DPEP1: variants seen among roughly 807,000 people sequenced by gnomAD.
The protein encoded by DPEP1 is beta-lactamase.
DPEP1 carries 50 observed loss-of-function variants against 42.3 expected under a neutral mutation model. The ratio of observed to expected loss-of-function variants is 1.18; its 90% CI spans 0.94 to 1.50. The LOEUF (loss-of-function observed/expected upper bound fraction) is 1.50. Among genes scored for constraint, DPEP1 ranks in the 40% most tolerant of loss-of-function variants. DPEP1 has a pLI of 0.00. For synonymous variants in DPEP1, 297 were observed against 234.0 expected, an observed-to-expected ratio of 1.27 and a Z score of -2.46; for missense variants, 663 against 553.0, an observed-to-expected ratio of 1.20 and a Z score of -1.99.
rs73265345 is a variant in DPEP1, at chr16:89,630,274, C to A, written c.-106-31C>A. 4.3e-3 allele frequency: 2,587 copies of A among 608,108 alleles called. 53 individuals are homozygous for A. The African/African-American group carries it at 0.044, about 10-fold the overall frequency. 37.7% of individuals were successfully genotyped at this position (608,108 alleles called of 1,614,324 possible). ...GGAGAGCAGCCACCTGTCATCACTT[C>A]CACCCACACCTCTGGTGCCTCTCCT... On this transcript the variant is annotated intron_variant, in intron 1 of 10. Coordinates refer to ENST00000690203, the MANE Select transcript of DPEP1 (RefSeq NM_001389466.1).
intron 2 of DPEP1, among the ~76,000 whole-genome samples, chr16:89,631,977 G>T (rs2059594516): frequency 6.6e-6 from 1 of 152,180 alleles, no homozygotes; most frequent in Admixed American, 6.5e-5. Context: ...ATGCTGGCCA[G>T]CAGGGAGGAG....
chr16:89,640,997 CA>C (rs1419651338), downstream of DPEP1, among the ~76,000 whole-genome samples: 10 of 152,318 alleles, frequency 6.6e-5, no homozygotes, highest in East Asian at 1.7e-3. Context: ...GTCCACTGGA[CA>C]GGGGGCCCTT....
chr16:89,620,608 C>T (rs563797259), intron 1 of DPEP1: 1 of 152,386 alleles, frequency 6.6e-6, no homozygotes, highest in Non-Finnish European at 1.5e-5. Flanking sequence ...CTGTGCGAGC[C>T]CTCAAGGAGG....
chr16:89,636,925 C>T lies in DPEP1; in HGVS notation c.581C>T (p.Pro194Leu), dbSNP rs763464277. 1.9e-6 allele frequency: 3 copies of T among 1,612,492 alleles called. No individual in the cohort carries two copies. In the South Asian group the frequency reaches 3.3e-5, roughly 18 times the overall value. ...DSEPQSQGLS[P>L]FGQRVVKELN... ...GAGCCCCAGAGCCAAGGCTTGTCAC[C>T]CTTTGGGCAGGTGAGTGGGGTGGGA... Residue 194 changes from proline to leucine, a missense_variant, in exon 6 of 11, where the codon CCC becomes CTC. Coordinates refer to ENST00000690203, the MANE Select transcript of DPEP1 (RefSeq NM_001389466.1).
rs149484096 is a variant in DPEP1, at chr16:89,637,347, G to A, written c.735G>A (p.Arg245=). Residue 245 remains arginine, a synonymous_variant, in exon 7 of 11, where the codon CGG becomes CGA. Transcript: ENST00000690203. ...HSSAYSVCAS[R]RNVPDDVLRL... ...CGGCCTACAGCGTGTGCGCAAGCCG[G>A]CGCAACGTGCCTGACGACGTCCTGA... 1,641 of 1,612,384 alleles carry A rather than the reference G, an allele frequency of 1.0e-3. 1 individual carries two copies. Among genetic ancestry groups the A allele is most frequent in the Non-Finnish European group, 1.2e-3 (1,432 of 1,179,942 alleles).
Position 89,638,261 on chromosome 16 carries a change from C to G in DPEP1, c.*39C>G. On this transcript the variant is annotated 3_prime_UTR_variant, in exon 11 of 11. Coordinates refer to ENST00000690203, the MANE Select transcript of DPEP1 (RefSeq NM_001389466.1). ...AGAGTCCCCTTTAGGGTTCCCGGAG[C>G]TCCGGGAAGACCCGCCCATCCCAGG... 1 of 1,504,094 alleles carries G rather than the reference C, an allele frequency of 6.6e-7. No individual in the cohort carries two copies. The highest frequency in any genetic ancestry group is 8.9e-7 in the Non-Finnish European group (1 of 1,128,516). The allele number at this position is 1,504,094 out of a possible 1,614,324, so 93.2% of individuals were successfully genotyped here. A position where few individuals can be genotyped will look rare whatever the true frequency, so the allele number is the denominator to read the frequency against.
chr16:89,622,499 A>G (rs1219730794), intron 1 of DPEP1, among the ~76,000 whole-genome samples: 1 of 151,788 alleles, frequency 6.6e-6, no homozygotes, highest in Non-Finnish European at 1.5e-5. Context: ...AGAATAACGC[A>G]CTCGGGCCGG....
chr16:89,630,473 C>T lies in DPEP1; in HGVS notation c.63C>T (p.Asp21=), dbSNP rs371346042. The change falls in exon 2 of 11, where the codon GAC becomes GAT. Residue 21 remains aspartate (D), a synonymous_variant. Coordinates refer to ENST00000690203, the MANE Select transcript of DPEP1 (RefSeq NM_001389466.1). ...VAVCTADFFR[D]EAERIMRDSP... ...TCTGCACTGCAGACTTCTTTCGGGA[C>T]GAGGCAGAGAGGATCATGAGGGACT... 1.5e-5 allele frequency: 24 copies of T among 1,608,444 alleles called. No homozygotes were observed. The highest frequency in any genetic ancestry group is 9.5e-5 in the African/African-American group (7 of 73,566).
intron 1 of DPEP1, among the ~76,000 whole-genome samples, chr16:89,625,242 T>C (rs1220406781): frequency 6.6e-6 from 1 of 152,038 alleles, no homozygotes; most frequent in Non-Finnish European, 1.5e-5. Context: ...TGTTTTTCCT[T>C]GATTCAGCAC....
chr16:89,636,267 T>G lies in DPEP1; in HGVS notation c.241T>G (p.Trp81Gly), dbSNP rs775929890. ...LRAGFVGGQF[W>G]SVYTPCDTQN... ...TGGCACCCCCTGCGGCCCACAGTTC[T>G]GGTCCGTGTACACGCCCTGCGACAC... The change falls in exon 4 of 11, where the codon TGG (tryptophan) becomes GGG (glycine). Residue 81 changes from tryptophan (W) to glycine (G), a missense_variant. Coordinates refer to ENST00000690203, the MANE Select transcript of DPEP1 (RefSeq NM_001389466.1). The G allele has an allele frequency of 3.7e-6, 6 of 1,608,164 alleles. No individual in the cohort carries two copies. The highest frequency in any genetic ancestry group is 5.1e-6 in the Non-Finnish European group (6 of 1,178,356).
chr16:89,636,440 C>G lies in DPEP1; in HGVS notation c.370+44C>G, dbSNP rs181078344. On this transcript the variant is annotated intron_variant, in intron 4 of 10. Transcript: ENST00000690203. ...TCCTCCAGGTCCTGCGTCTTCTCAC[C>G]CAGCCCTCATCCTGAGCAGCAGGTG... 1.3e-5 allele frequency: 20 copies of G among 1,599,024 alleles called. No individual in the cohort carries two copies. The African/African-American group carries it at 2.4e-4, about 19-fold the overall frequency.
At chr16:89,616,964 T>G in intron 1 of DPEP1, 1 of 223,664 alleles carries the variant, frequency 4.5e-6, no homozygotes, top group East Asian at 1.6e-4. Flanking sequence ...CCAGAGGGGA[T>G]GATGGAGTCT....
At chr16:89,631,394 G>C (rs2059586431) in intron 2 of DPEP1, among the ~76,000 whole-genome samples, 1 of 152,192 alleles carries the variant, frequency 6.6e-6, no homozygotes, top group African/African-American at 2.4e-5. Context: ...CTGCTTCCAG[G>C]CACCAGACTC....
intron 1 of DPEP1, chr16:89,616,924 G>C (rs781691648): frequency 4.2e-6 from 1 of 240,786 alleles, no homozygotes; most frequent in Non-Finnish European, 8.4e-6. Context: ...GGTAGGAAGC[G>C]GGCAGGTTTT....
At chr16:89,618,330 C>A (rs996740098) in intron 1 of DPEP1, among the ~76,000 whole-genome samples, 1 of 152,084 alleles carries the variant, frequency 6.6e-6, no homozygotes, top group Admixed American at 6.5e-5. Context: ...CATCTTCCTG[C>A]CTCGGTCTGC....
intron 1 of DPEP1, among the ~76,000 whole-genome samples, chr16:89,624,829 C>T (rs1358979843): frequency 1.3e-5 from 2 of 152,172 alleles, no homozygotes; most frequent in Non-Finnish European, 2.9e-5. Context: ...GCCACCCCCT[C>T]GGCCAGTTTT....
intron 1 of DPEP1, among the ~76,000 whole-genome samples, chr16:89,626,129 A>T (rs2059508224): frequency 6.6e-6 from 1 of 152,120 alleles, no homozygotes; most frequent in African/African-American, 2.4e-5. Context: ...GCGATGTGTG[A>T]ATAAGGGTGC....
In DPEP1 at chr16:89,634,119, C is replaced by T. The variant is rs1351893372; in HGVS notation, c.105-1789C>T. On this transcript the variant is annotated intron_variant, in intron 2 of 10. Transcript: ENST00000690203. ...TTTTTTTTTTTTTTGGAGGGAGTCT[C>T]GCTCTGTCGCCCAGGCTGGAGTGCA... Among the ~76,000 whole-genome samples the T allele has an allele frequency of 4.9e-4, 52 of 105,512 alleles. 1 individual carries two copies. The highest frequency in any genetic ancestry group is 2.9e-3 in the Admixed American group (22 of 7,500). 69.2% of individuals were successfully genotyped at this position (105,512 alleles called of 152,430 possible). A position where few individuals can be genotyped will look rare whatever the true frequency, so the allele number is the denominator to read the frequency against.
intron 1 of DPEP1, among the ~76,000 whole-genome samples, chr16:89,618,901 C>A: frequency 6.6e-6 from 1 of 151,648 alleles, no homozygotes; most frequent in Non-Finnish European, 1.5e-5. Flanking sequence ...CTTTGGCTTC[C>A]GGAGGGTTGC....
Sources: gnomAD v4.1 joint callset for allele counts (sites outside exome capture counted in the v4.1 genomes callset) on GRCh38, gnomAD v4.1.1 for gene constraint, MANE v1.5 for transcripts, NCBI Gene and HGNC (gene_info 2026-07-23, HGNC 2026-07-21) for gene names.